Variants in PSMC3 observed in about 807,000 individuals in gnomAD.
PSMC3 encodes 26S proteasome regulatory subunit 6A.
A neutral mutation model predicts 52.0 loss-of-function variants in PSMC3; 11 were observed. That is an observed-to-expected ratio of 0.21 (90% CI 0.13 to 0.35). PSMC3 has a LOEUF of 0.35. PSMC3 is among the 10% of genes least tolerant of loss of function. The pLI is 1.00. For synonymous variants in PSMC3, 201 were observed against 218.8 expected (o/e 0.92, Z 0.72); for missense variants, 238 against 567.1 (o/e 0.42, Z 5.89).
At position 47,424,791 on chromosome 11, in the gene PSMC3, C is replaced by T. The variant is rs1014479666; in HGVS notation, c.286-80G>A. 1 of 1,269,220 alleles carries T rather than the reference C, an allele frequency of 7.9e-7. No individual in the cohort carries two copies. The highest frequency in any genetic ancestry group is 1.1e-6 in the Non-Finnish European group (1 of 873,510). The allele number at this position is 1,269,220 out of a possible 1,614,324, so 78.6% of individuals were successfully genotyped here. A position where few individuals can be genotyped will look rare whatever the true frequency, so the allele number is the denominator to read the frequency against. On this transcript the variant is annotated intron_variant, in intron 3 of 11. Transcript: ENST00000298852. The surrounding 1 kb of genome is among the most constrained non-coding windows in gnomAD (Gnocchi z 4.8). ...AAGACAGTTCCTAATACCTGCAGGG[C>T]TGGCCATCCTTACCTCCCTCCTCCA...
At position 47,424,502 on chromosome 11, in the gene PSMC3, G is replaced by A. The variant is rs952517000; in HGVS notation, c.391-11C>T. On this transcript the variant is annotated splice_polypyrimidine_tract_variant and intron_variant, in intron 4 of 11. Transcript: ENST00000298852. This position sits in a 1 kb window ranked among gnomAD's most constrained non-coding sequence, Gnocchi z 4.8. ...AGGAAGGAAGTACGTCTGTGGACAA[G>A]TTACAGGGGCAGTCTCAGTTAGTGT... The A allele has an allele frequency of 1.2e-6, 2 of 1,614,060 alleles. No individual in the cohort carries two copies. The highest frequency in any genetic ancestry group is 1.7e-6 in the Non-Finnish European group (2 of 1,179,922).
At chr11:47,419,866 TAA>T (rs775253701) in intron 10 of PSMC3, among the ~76,000 whole-genome samples, 16 of 127,356 alleles carry the variant, frequency 1.3e-4, no homozygotes, top group Admixed American at 1.6e-4. Flanking sequence ...CTCCAAAAAT[TAA>T]AAAAAAAAAA....
intron 10 of PSMC3, among the ~76,000 whole-genome samples, chr11:47,419,827 C>A (rs942724813): frequency 3.3e-5 from 5 of 151,650 alleles, no homozygotes; most frequent in Non-Finnish European, 7.4e-5. Context: ...CCACTGTACT[C>A]CAGCCTGGGC....
rs1678015113 is a variant in PSMC3, at chr11:47,426,410, G to C, written c.-131C>G. ...CAAATCCCGACTCTTGACCCGACCA[G>C]CTCCGGCCGTGCTGCGGAGCAGCGA... On this transcript the variant is annotated 5_prime_UTR_variant, in exon 1 of 12. Transcript: ENST00000298852. The C allele has an allele frequency of 5.3e-6, 4 of 759,572 alleles. No homozygotes were observed. The East Asian group carries it at 1.2e-4, about 24-fold the overall frequency. 47.1% of individuals were successfully genotyped at this position (759,572 alleles called of 1,614,324 possible). A position where few individuals can be genotyped will look rare whatever the true frequency, so the allele number is the denominator to read the frequency against.
chr11:47,419,343 TTC>T, intron 10 of PSMC3, 146 bp from the exon 11 acceptor site: 1 of 770,220 alleles, frequency 1.3e-6, no homozygotes, highest in Non-Finnish European at 2.2e-6. Context: ...CCTTGTTTTC[TTC>T]TCAGTACAAG....
intron 6 of PSMC3, 97 bp from the exon 7 acceptor site, chr11:47,423,070 C>CT (rs2096042538): frequency 7.8e-7 from 1 of 1,282,042 alleles, no homozygotes; most frequent in Non-Finnish European, 1.1e-6. Context: ...CCCTCCTACT[C>CT]TAACTCAGGG....
rs139347167 is a variant in PSMC3, at chr11:47,422,841, C to T, written c.724G>A (p.Ala242Thr). The change falls in exon 7 of 12, where the codon GCA (alanine) becomes ACA (threonine). Residue 242 changes from alanine to threonine, a missense_variant. Ala to Thr is a moderately conservative substitution (Grantham distance 58). Transcript: ENST00000298852. This position sits in a 1 kb window ranked among gnomAD's most constrained non-coding sequence, Gnocchi z 4.3. ...CCCAAAGTACTCACCTTAGTCTGTG[C>T]GGCACAGGCCCGGGCCAGGAGGGTC... Reference protein sequence around the residue: ...GKTLLARACAAQTKATFLKLA... With the variant: ...GKTLLARACATQTKATFLKLA... 20 of 1,610,082 alleles carry T rather than the reference C, an allele frequency of 1.2e-5. No homozygotes were observed. The highest frequency in any genetic ancestry group is 2.2e-5 in the East Asian group (1 of 44,820).
In PSMC3 at chr11:47,422,434, AT is replaced by A; in HGVS notation, c.884+139del. 1 of 996,180 alleles carries A rather than the reference AT, an allele frequency of 1.0e-6. No individual in the cohort carries two copies. The highest frequency in any genetic ancestry group is 2.4e-5 in the East Asian group (1 of 41,442). 61.7% of individuals were successfully genotyped at this position (996,180 alleles called of 1,614,324 possible). A position where few individuals can be genotyped will look rare whatever the true frequency, so the allele number is the denominator to read the frequency against. On this transcript the variant is annotated intron_variant, in intron 8 of 11. Coordinates refer to ENST00000298852, the MANE Select transcript of PSMC3 (RefSeq NM_002804.5). This position sits in a 1 kb window ranked among gnomAD's most constrained non-coding sequence, Gnocchi z 4.3. Reference sequence around the variant, plus strand: ...TATTGATCAGGAGTTAGGAATTGGAATCTCAAGAGTTGAGGAGCCACCATCC... The same window carrying A: ...TATTGATCAGGAGTTAGGAATTGGAACTCAAGAGTTGAGGAGCCACCATCC...
intron 6 of PSMC3, among the ~76,000 whole-genome samples, chr11:47,423,562 G>A (rs1431133409): frequency 4.6e-5 from 7 of 152,084 alleles, no homozygotes; most frequent in Non-Finnish European, 8.8e-5. Context: ...CAAGGCACGC[G>A]GATCACCTGA....
intron 11 of PSMC3, 64 bp from the exon 12 acceptor site, chr11:47,419,009 C>T (rs2096036655): frequency 6.2e-7 from 1 of 1,605,920 alleles, no homozygotes. Flanking sequence ...CTCCCTGAGG[C>T]TCAGGCCTCT....
chr11:47,421,764 T>C (rs1595891822), intron 8 of PSMC3, among the ~76,000 whole-genome samples: 1 of 151,756 alleles, frequency 6.6e-6, no homozygotes, highest in East Asian at 1.9e-4. Flanking sequence ...GTGATTCTCC[T>C]GCCTCAGCCT....
At chr11:47,420,035 G>A (rs1331934124) in intron 10 of PSMC3, among the ~76,000 whole-genome samples, 2 of 152,160 alleles carry the variant, frequency 1.3e-5, no homozygotes, top group Non-Finnish European at 2.9e-5. Context: ...CAGATGAGGG[G>A]TGGAGTCTAA....
intron 8 of PSMC3, among the ~76,000 whole-genome samples, chr11:47,421,346 A>G (rs2096040250): frequency 6.6e-6 from 1 of 151,992 alleles, no homozygotes; most frequent in Non-Finnish European, 1.5e-5. Context: ...AACGCTTAAA[A>G]ACACAGGTAT....
At chr11:47,419,327 A>G in intron 10 of PSMC3, 130 bp from the exon 11 acceptor site, 2 of 876,036 alleles carry the variant, frequency 2.3e-6, no homozygotes, top group Non-Finnish European at 1.8e-6. Context: ...TCCCTTACTC[A>G]ATGCGCCTTG....
intron 8 of PSMC3, 65 bp from the exon 9 acceptor site, chr11:47,420,792 A>AC (rs1388998095): frequency 2.4e-5 from 34 of 1,443,472 alleles, no homozygotes; most frequent in Non-Finnish European, 3.1e-5. Context: ...CCCCTCCTCT[A>AC]CCCCCTGGAA....
chr11:47,422,906 G>A lies in PSMC3; in HGVS notation c.659C>T (p.Pro220Leu). The A allele has an allele frequency of 6.2e-7, 1 of 1,613,946 alleles. No homozygotes were observed. The highest frequency in any genetic ancestry group is 8.5e-7 in the Non-Finnish European group (1 of 1,179,952). The change falls in exon 7 of 12, where the codon CCA becomes CTA. Residue 220 changes from proline to leucine, a missense_variant. Physicochemically the swap from Pro to Leu is moderately conservative, Grantham distance 98. This residue lies in a region of PSMC3 where 60 missense variants were observed against 117.3 expected (regional missense o/e 0.51). Transcript: ENST00000298852. The surrounding 1 kb of genome is among the most constrained non-coding windows in gnomAD (Gnocchi z 4.3). Reference sequence around the variant, plus strand: ...GGGCCCATACATCAGCACCCCTTTTGGAGGTTGGATCCCCAAGTTCTCAAA... The same window carrying A: ...GGGCCCATACATCAGCACCCCTTTTAGAGGTTGGATCCCCAAGTTCTCAAA... The part of the protein sequence containing the change: ...EKFENLGIQP[P>L]KGVLMYGPPG...
At chr11:47,423,080 G>C in intron 6 of PSMC3, 107 bp from the exon 7 acceptor site, 1 of 1,192,756 alleles carries the variant, frequency 8.4e-7, no homozygotes. Flanking sequence ...CTAACTCAGG[G>C]ACACGCCCAT....
In PSMC3 at chr11:47,424,558, C is replaced by A. The variant is rs1402253577; in HGVS notation, c.390+49G>T. On this transcript the variant is annotated intron_variant, in intron 4 of 11. Coordinates refer to ENST00000298852, the MANE Select transcript of PSMC3 (RefSeq NM_002804.5). This position sits in a 1 kb window ranked among gnomAD's most constrained non-coding sequence, Gnocchi z 4.8. The stretch of plus-strand genomic sequence containing the variant: ...GGGAAGGCTCCCTAGTCCTGTCCCA[C>A]ATCCGCTCCTCACCCTCCTCCAGTC... 6 of 1,606,050 alleles carry A rather than the reference C, an allele frequency of 3.7e-6. No homozygotes were observed. The highest frequency in any genetic ancestry group is 5.1e-6 in the Non-Finnish European group (6 of 1,172,726).
chr11:47,421,373 C>T (rs765461726), intron 8 of PSMC3, among the ~76,000 whole-genome samples: 2 of 151,526 alleles, frequency 1.3e-5, no homozygotes, highest in Admixed American at 6.6e-5. Flanking sequence ...CAGCCTTGGA[C>T]GGTGCTGTAC....
Sources: gnomAD v4.1 joint callset for allele counts (sites outside exome capture counted in the v4.1 genomes callset) on GRCh38, gnomAD v4.1.1 for gene constraint, gnomAD v4.1.1 regional missense constraint, Gnocchi (gnomAD v3.1) non-coding constraint, MANE v1.5 for transcripts, NCBI Gene and HGNC (gene_info 2026-07-23, HGNC 2026-07-21) for gene names.